CFAP251: variants seen among roughly 807,000 people sequenced by gnomAD.
The protein encoded by CFAP251 is cilia- and flagella-associated protein 251.
In CFAP251, 93 loss-of-function variants were observed where a neutral mutation model predicts 126.7. The observed-to-expected ratio is 0.73, with a 90% CI of 0.62 to 0.87. The LOEUF (loss-of-function observed/expected upper bound fraction) is 0.87, where lower values mean the gene tolerates loss of function less well. Ranked by LOEUF, CFAP251 falls within the 40% of genes least tolerant of loss-of-function variation. The pLI is 0.00. For synonymous variants in CFAP251, 503 were observed against 506.9 expected, an observed-to-expected ratio of 0.99 and a Z score of 0.10; for missense variants, 1,287 against 1,389.2, an observed-to-expected ratio of 0.93 and a Z score of 1.17.
intron 14 of CFAP251, among the ~76,000 whole-genome samples, chr12:121,961,490 G>A (rs1052185151): frequency 3.9e-5 from 6 of 152,126 alleles, no homozygotes; most frequent in Non-Finnish European, 5.9e-5. Context: ...ATTTGTGACT[G>A]CCAAGTGTTG....
chr12:121,945,535 G>A (rs1881289177), intron 7 of CFAP251, among the ~76,000 whole-genome samples: 1 of 151,036 alleles, frequency 6.6e-6, no homozygotes, highest in Non-Finnish European at 1.5e-5. Flanking sequence ...AGTACAGATG[G>A]GGTTTCACCA....
intron 11 of CFAP251, 84 bp downstream of exon 11, chr12:121,957,352 G>A: frequency 7.4e-7 from 1 of 1,344,442 alleles, no homozygotes; most frequent in Non-Finnish European, 1.0e-6. Context: ...GGAGGTTCGT[G>A]TTGTTCCTGG....
chr12:121,967,921 A>C (rs1882202304), intron 16 of CFAP251, 85 bp from the exon 17 acceptor site: 2 of 1,255,252 alleles, frequency 1.6e-6, no homozygotes, highest in African/African-American at 3.0e-5. Context: ...TGGCACACAG[A>C]TCTGGAGGTG....
Position 121,989,005 on chromosome 12 carries a change from G to A in CFAP251, c.3007-10711G>A, listed in dbSNP as rs1882814909. ...CCCAACTTGGCCTCCCAAAGTGCTG[G>A]GATCCCAGATGTGAGCCACGGTGCC... On this transcript the variant is annotated intron_variant, in intron 19 of 21. Coordinates refer to ENST00000288912, the MANE Select transcript of CFAP251 (RefSeq NM_144668.6). This position sits in a 1 kb window ranked among gnomAD's most constrained non-coding sequence, Gnocchi z 4.2. Among the ~76,000 whole-genome samples, 1 of 152,106 alleles carries A rather than the reference G, an allele frequency of 6.6e-6. No individual in the cohort carries two copies. The highest frequency in any genetic ancestry group is 2.4e-5 in the African/African-American group (1 of 41,410).
intron 20 of CFAP251, among the ~76,000 whole-genome samples, chr12:122,000,361 G>T (rs997501285): frequency 1.3e-5 from 2 of 152,148 alleles, no homozygotes; most frequent in Admixed American, 1.3e-4. Flanking sequence ...AGACCAGCCT[G>T]GCCAACACAG....
chr12:121,968,083 C>T lies in CFAP251; in HGVS notation c.2685C>T (p.Ala895=), dbSNP rs371782690. The T allele has an allele frequency of 2.0e-5, 33 of 1,613,574 alleles. No individual in the cohort carries two copies. The highest frequency in any genetic ancestry group is 3.3e-4 in the Middle Eastern group (2 of 6,082). The change falls in exon 17 of 22, where the codon GCC becomes GCT. Residue 895 remains alanine (A), a synonymous_variant. Coordinates refer to ENST00000288912, the MANE Select transcript of CFAP251 (RefSeq NM_144668.6). ...TTGTTTGCCACCCGAACGGGGTGGC[C>T]GGCATGGCCGTTTCCTATGATGGCT... is the stretch of plus-strand genomic sequence containing the variant. ...SAIVCHPNGV[A]GMAVSYDGCY...
intron 3 of CFAP251, among the ~76,000 whole-genome samples, chr12:121,928,265 A>G (rs1880497160): frequency 6.6e-6 from 1 of 152,186 alleles, no homozygotes; most frequent in Non-Finnish European, 1.5e-5. Flanking sequence ...GCCAAATATT[A>G]AATAATTCTG....
intron 7 of CFAP251, among the ~76,000 whole-genome samples, chr12:121,943,269 C>T (rs1040308681): frequency 1.5e-4 from 23 of 151,958 alleles, no homozygotes; most frequent in African/African-American, 3.4e-4. Context: ...GCCGAGACTG[C>T]GCCACTGCAC....
intron 16 of CFAP251, 90 bp from the exon 17 acceptor site, chr12:121,967,916 C>A: frequency 7.4e-6 from 9 of 1,218,418 alleles, no homozygotes; most frequent in Non-Finnish European, 1.0e-5. Context: ...CCTTCTGGCA[C>A]ACAGATCTGG....
chr12:121,992,743 C>A (rs145690499), intron 19 of CFAP251, among the ~76,000 whole-genome samples: 1 of 151,796 alleles, frequency 6.6e-6, no homozygotes, highest in Non-Finnish European at 1.5e-5. Flanking sequence ...CCACGCCAAG[C>A]TAATTTGTTG....
At chr12:121,921,038 G>A (rs1022432914) in intron 1 of CFAP251, among the ~76,000 whole-genome samples, 8 of 151,592 alleles carry the variant, frequency 5.3e-5, no homozygotes, top group South Asian at 2.1e-4. Context: ...TAGTAGAAAC[G>A]GGGTTTCATC....
At position 121,967,048 on chromosome 12, in the gene CFAP251, G is replaced by A; in HGVS notation, c.2586G>A (p.Leu862=). 6.2e-7 allele frequency: 1 copy of A among 1,614,152 alleles called. No homozygotes were observed. Among genetic ancestry groups the A allele is most frequent in the Non-Finnish European group, 8.5e-7 (1 of 1,179,994 alleles). Residue 862 remains leucine (L), a synonymous_variant, in exon 16 of 22, where the codon TTG becomes TTA. Coordinates refer to ENST00000288912, the MANE Select transcript of CFAP251 (RefSeq NM_144668.6). ...RSMAELQKRY[L]VFINRDKVGL... is the part of the protein sequence containing the mutation. ...TGGCGGAGCTACAGAAACGCTACTT[G>A]GTGTTTATTAACAGAGACAAGGTAA... is the stretch of plus-strand genomic sequence containing the variant.
Position 121,958,350 on chromosome 12 carries a change from A to G in CFAP251, c.1809A>G (p.Val603=), listed in dbSNP as rs1382167938. The G allele has an allele frequency of 1.2e-6, 2 of 1,614,242 alleles. No individual in the cohort carries two copies. The highest frequency in any genetic ancestry group is 1.7e-5 in the Admixed American group (1 of 60,024). ...GGACCAAACTTGAGAAGTTATTTGT[A>G]GAGCCCAAGGATGCCATTTGTGCCA... ...TDGTKLEKLF[V]EPKDAICAIS... The change falls in exon 12 of 22, where the codon GTA becomes GTG. Residue 603 remains valine, a synonymous_variant. Transcript: ENST00000288912.
Position 121,960,757 on chromosome 12 carries a change from T to G in CFAP251, c.2306T>G (p.Leu769Trp). ...CTGAGCCTTGGGACAGACAGGCTCT[T>G]GGTGAGCTGTTTAGTTTTCGTTGAC... ...RLLSLGTDRL[L>W]IEYDLLRSYK... Residue 769 changes from leucine to tryptophan, a missense_variant and splice_region_variant, in exon 14 of 22, where the codon TTG becomes TGG. By Grantham distance (61) the Leu-to-Trp change is moderately conservative (BLOSUM62 -2). Coordinates refer to ENST00000288912, the MANE Select transcript of CFAP251 (RefSeq NM_144668.6). 6.2e-7 allele frequency: 1 copy of G among 1,612,894 alleles called. No homozygotes were observed. Among genetic ancestry groups the G allele is most frequent in the Non-Finnish European group, 8.5e-7 (1 of 1,179,768 alleles).
chr12:121,995,512 C>CTTT (rs919467553), intron 19 of CFAP251, among the ~76,000 whole-genome samples: 1 of 147,878 alleles, frequency 6.8e-6, no homozygotes, highest in East Asian at 2.0e-4. Flanking sequence ...GGAATCTTGC[C>CTTT]TTTTTTTTTT....
rs1302687463 is a variant in CFAP251, at chr12:121,944,563, G to T, written c.1191+1588G>T. On this transcript the variant is annotated intron_variant, in intron 7 of 21. Coordinates refer to ENST00000288912, the MANE Select transcript of CFAP251 (RefSeq NM_144668.6). ...ATGTCTTCTTTAATTTCTTTCAGGGGTGTTTTGTAATTTCCAGAGTTCAAG... is the reference window on the plus strand; with the variant it reads ...ATGTCTTCTTTAATTTCTTTCAGGGTTGTTTTGTAATTTCCAGAGTTCAAG... 2.0e-5 allele frequency among the ~76,000 whole-genome samples: 3 copies of T among 152,134 alleles called. No individual in the cohort carries two copies. In the East Asian group the frequency reaches 5.8e-4, roughly 29 times the overall value.
intron 19 of CFAP251, among the ~76,000 whole-genome samples, chr12:121,990,548 G>C (rs919886597): frequency 6.6e-6 from 1 of 152,070 alleles, no homozygotes; most frequent in Non-Finnish European, 1.5e-5. Context: ...ACCTCCTACT[G>C]GCCAAACCCT....
intron 4 of CFAP251, chr12:121,933,153 A>C (rs755276746): frequency 6.6e-6 from 1 of 152,352 alleles, no homozygotes; most frequent in Non-Finnish European, 1.5e-5. Context: ...AATGATTACA[A>C]ATTGTAACCA....
intron 17 of CFAP251, chr12:121,971,723 G>C: frequency 1.5e-6 from 1 of 662,414 alleles, no homozygotes; most frequent in South Asian, 1.6e-5. Flanking sequence ...CATTACAGGA[G>C]GAAAATAAAG....
Sources: allele counts gnomAD v4.1 joint callset (sites outside exome capture counted in the v4.1 genomes callset), GRCh38; gene constraint gnomAD v4.1.1; non-coding constraint Gnocchi (gnomAD v3.1); transcripts MANE v1.5; gene names NCBI Gene and HGNC (gene_info 2026-07-23, HGNC 2026-07-21).